Variants in ZNF605 observed in about 807,000 individuals in gnomAD.
ZNF605 encodes the protein zinc finger protein 605.
Under a neutral mutation model 7.9 loss-of-function variants are expected in ZNF605, and 9 were observed. The ratio of observed to expected loss-of-function variants is 1.14; its 90% confidence interval spans 0.68 to 1.98. ZNF605 has a LOEUF of 1.98. Among genes scored for constraint, ZNF605 ranks in the 30% most tolerant of loss-of-function variants. The pLI is 0.00. For synonymous variants in ZNF605, 255 were observed against 260.1 expected (o/e 0.98, Z 0.19); for missense variants, 673 against 762.4 (o/e 0.88, Z 1.38).
intron 4 of ZNF605, chr12:132,932,806 C>T (rs1952321049): frequency 6.5e-7 from 1 of 1,534,838 alleles, no homozygotes; most frequent in African/African-American, 1.4e-5. Flanking sequence ...ATTTGAAAAC[C>T]TGTCGATTGG....
chr12:132,922,808 T>C lies in ZNF605; in HGVS notation c.*2565A>G, dbSNP rs1952215902. ...GGCTTCCCAAAGGAAGCTGTATCCT[T>C]ACGGGAACACAGAAGCTACCATGGT... is the stretch of plus-strand genomic sequence containing the variant. On this transcript the variant is annotated 3_prime_UTR_variant, in exon 5 of 5. Transcript: ENST00000360187. The C allele has an allele frequency of 6.6e-6, 1 of 150,764 alleles. No homozygotes were observed. Among genetic ancestry groups the C allele is most frequent in the South Asian group, 2.1e-4 (1 of 4,798 alleles). The allele number at this position is 150,764 out of a possible 1,614,324, so 9.3% of individuals were successfully genotyped here.
chr12:132,927,733 C>A (rs1566230208), intron 4 of ZNF605, among the ~76,000 whole-genome samples: 1 of 150,052 alleles, frequency 6.7e-6, no homozygotes, highest in Non-Finnish European at 1.5e-5. Flanking sequence ...CTCAGCTCAC[C>A]ACAACCTCCA....
rs1043310044 is a variant in ZNF605 at position 132,932,684 on chromosome 12, T to C, written c.136+351A>G. The C allele has an allele frequency of 7.8e-6, 11 of 1,403,450 alleles. No individual in the cohort carries two copies. The African/African-American group carries it at 1.6e-4, about 20-fold the overall frequency. The allele number at this position is 1,403,450 out of a possible 1,614,324, so 86.9% of individuals were successfully genotyped here. The stretch of plus-strand genomic sequence containing the variant: ...CAAAAACCTGAGATAAAATGTTCAC[T>C]GTATCTCATAAACCTGATTATTCCT... On this transcript the variant is annotated intron_variant, in intron 4 of 4. Transcript: ENST00000360187.
At chr12:132,951,053 C>T (rs1049097347) in intron 1 of ZNF605, among the ~76,000 whole-genome samples, 1 of 151,144 alleles carries the variant, frequency 6.6e-6, no homozygotes, top group East Asian at 1.9e-4. Context: ...CACACAGATA[C>T]ATCATACACA....
chr12:132,933,207 TA>T lies in ZNF605; in HGVS notation c.16-53del. 1 of 1,556,786 alleles carries T rather than the reference TA, an allele frequency of 6.4e-7. No homozygotes were observed. Among genetic ancestry groups the T allele is most frequent in the South Asian group, 1.2e-5 (1 of 82,702 alleles). Reference sequence around the variant, plus strand: ...CTGAAGTGGTTCTCATTTGGTCTTGTAAAATACTTTCTTCTGTATTTGTGGT... The same window carrying T: ...CTGAAGTGGTTCTCATTTGGTCTTGTAAATACTTTCTTCTGTATTTGTGGT... On this transcript the variant is annotated intron_variant, in intron 3 of 4. Transcript: ENST00000360187. The surrounding 1 kb of genome is among the most constrained non-coding windows in gnomAD (Gnocchi z 4.4).
intron 4 of ZNF605, among the ~76,000 whole-genome samples, chr12:132,931,092 G>A (rs1302911437): frequency 6.6e-6 from 1 of 152,138 alleles, no homozygotes; most frequent in African/African-American, 2.4e-5. Flanking sequence ...AGTGGGAGGA[G>A]CTCATGAGTC....
In ZNF605 at chr12:132,921,669, G is replaced by A. The variant is rs532763424; in HGVS notation, c.*3704C>T. 6.6e-5 allele frequency: 10 copies of A among 152,264 alleles called. No homozygotes were observed. Among genetic ancestry groups the A allele is most frequent in the Admixed American group, 2.0e-4 (3 of 15,286 alleles). 9.4% of individuals were successfully genotyped at this position (152,264 alleles called of 1,614,324 possible). A position where few individuals can be genotyped will look rare whatever the true frequency, so the allele number is the denominator to read the frequency against. On this transcript the variant is annotated 3_prime_UTR_variant, in exon 5 of 5. Coordinates refer to ENST00000360187, the MANE Select transcript of ZNF605 (RefSeq NM_183238.4). ...GTCAATGAAGCCTCCTGGCATTGTC[G>A]GAAATAGAAAACATGTATAAAAATC...
Position 132,927,023 on chromosome 12 carries a change from G to T in ZNF605, c.276C>A (p.Ser92=). Residue 92 remains serine, a synonymous_variant, in exon 5 of 5, where the codon TCC becomes TCA. Transcript: ENST00000360187. ...TTTTTTCTCCTGTGCCACATTTATG[G>T]GATCGCAGTCCTACATGAACAATGT... is the stretch of plus-strand genomic sequence containing the variant. ...SINIVHVGLR[S]HKCGTGEKSL... is the part of the protein sequence containing the mutation. 3 of 1,610,078 alleles carry T rather than the reference G, an allele frequency of 1.9e-6. No homozygotes were observed. The South Asian group carries it at 3.3e-5, about 18-fold the overall frequency.
At chr12:132,942,672 C>T (rs950118714) in intron 3 of ZNF605, among the ~76,000 whole-genome samples, 17 of 152,318 alleles carry the variant, frequency 1.1e-4, no homozygotes, top group Non-Finnish European at 1.9e-4. Flanking sequence ...CCACGTGTGC[C>T]CTCTGGGATT....
intron 4 of ZNF605, among the ~76,000 whole-genome samples, chr12:132,928,425 T>G (rs1045185542): frequency 6.6e-6 from 1 of 152,220 alleles, no homozygotes; most frequent in Non-Finnish European, 1.5e-5. Flanking sequence ...TCAACACTTT[T>G]ATTCAACTTC....
intron 3 of ZNF605, among the ~76,000 whole-genome samples, chr12:132,937,963 T>C (rs924578552): frequency 7.3e-5 from 11 of 150,926 alleles, no homozygotes; most frequent in Non-Finnish European, 1.6e-4. Context: ...AGGTCACATA[T>C]GTGATCCCAT....
In ZNF605 at chr12:132,941,244, C is replaced by A. The variant is rs1357236043; in HGVS notation, c.15+4377G>T. Among the ~76,000 whole-genome samples the A allele has an allele frequency of 1.3e-5, 2 of 152,136 alleles. No homozygotes were observed. Among genetic ancestry groups the A allele is most frequent in the Non-Finnish European group, 1.5e-5 (1 of 68,038 alleles). ...GATGCAGACATGGCCTAGACCGAGC[C>A]TCCGCGTGTGCTGCTTCTGCTCTCA... On this transcript the variant is annotated intron_variant, in intron 3 of 4. Coordinates refer to ENST00000360187, the MANE Select transcript of ZNF605 (RefSeq NM_183238.4). The surrounding 1 kb of genome is among the most constrained non-coding windows in gnomAD (Gnocchi z 5.1).
At chr12:132,927,719 C>T (rs548778541) in intron 4 of ZNF605, among the ~76,000 whole-genome samples, 3 of 147,838 alleles carry the variant, frequency 2.0e-5, no homozygotes, top group Non-Finnish European at 4.5e-5. Context: ...TGCAGTGGTG[C>T]GATCTCAGCT....
intron 4 of ZNF605, chr12:132,932,636 C>T (rs1952319611): frequency 9.5e-6 from 9 of 942,526 alleles, no homozygotes; most frequent in Non-Finnish European, 6.2e-6. Context: ...ATAAACAACA[C>T]TTTAAAAGTG....
chr12:132,939,232 C>T (rs1170524173), intron 3 of ZNF605, among the ~76,000 whole-genome samples: 9 of 152,156 alleles, frequency 5.9e-5, no homozygotes, highest in Admixed American at 2.0e-4. Flanking sequence ...CTGGTGGGGA[C>T]GTGGAGAGTC....
At chr12:132,934,813 G>T (rs527969409) in intron 3 of ZNF605, among the ~76,000 whole-genome samples, 343 of 151,986 alleles carry the variant, frequency 2.3e-3, no homozygotes, top group Non-Finnish European at 4.1e-3. Context: ...AGTGAATAAG[G>T]TTACAGGGCT....
intron 1 of ZNF605, among the ~76,000 whole-genome samples, chr12:132,955,945 C>G (rs1435818662): frequency 1.3e-5 from 2 of 151,848 alleles, no homozygotes; most frequent in African/African-American, 4.8e-5. Context: ...CCAGCTGACC[C>G]CAAATCTCCC....
chr12:132,941,464 G>A lies in ZNF605; in HGVS notation c.15+4157C>T, dbSNP rs936959856. ...GACTTGGGCCACACTATCCAGGCCC[G>A]ACATGACCAGATCTGCTTCCCGTTC... On this transcript the variant is annotated intron_variant, in intron 3 of 4. Transcript: ENST00000360187. This position sits in a 1 kb window ranked among gnomAD's most constrained non-coding sequence, Gnocchi z 5.1. Among the ~76,000 whole-genome samples the A allele has an allele frequency of 1.2e-4, 18 of 152,152 alleles. No homozygotes were observed. The highest frequency in any genetic ancestry group is 4.3e-4 in the African/African-American group (18 of 41,440).
In ZNF605 at chr12:132,926,051, T is replaced by C. The variant is rs1952243555; in HGVS notation, c.1248A>G (p.Leu416=). ...GAATGCATCCATATGGTTTCTCTCC[T>C]AAGTGAATTTTTTGATGTCTTATTA... is the stretch of plus-strand genomic sequence containing the variant. ...SELIRHQKIH[L]GEKPYGCIQC... is the part of the protein sequence containing the mutation. Residue 416 remains leucine, a synonymous_variant, in exon 5 of 5, where the codon TTA becomes TTG. Coordinates refer to ENST00000360187, the MANE Select transcript of ZNF605 (RefSeq NM_183238.4). 1 of 1,614,204 alleles carries C rather than the reference T, an allele frequency of 6.2e-7. No individual in the cohort carries two copies. The highest frequency in any genetic ancestry group is 8.5e-7 in the Non-Finnish European group (1 of 1,180,026).
Sources: allele counts gnomAD v4.1 joint callset (sites outside exome capture counted in the v4.1 genomes callset), GRCh38; gene constraint gnomAD v4.1.1; non-coding constraint Gnocchi (gnomAD v3.1); transcripts MANE v1.5; gene names NCBI Gene and HGNC (gene_info 2026-07-23, HGNC 2026-07-21).